The following ALG12 variants were observed in gnomAD, a reference collection of about 807,000 sequenced individuals.
ALG12 encodes the protein dol-P-Man:Man(7)GlcNAc(2)-PP-Dol alpha-1,6-mannosyltransferase.
Under a neutral mutation model 46.0 loss-of-function variants are expected in ALG12, and 36 were observed. That is an observed-to-expected ratio of 0.78 (90% confidence interval 0.60 to 1.03). The LOEUF (loss-of-function observed/expected upper bound fraction) is 1.03. Ranked by LOEUF, ALG12 falls within the 50% of genes least tolerant of loss-of-function variation. The pLI, the probability that ALG12 is intolerant of heterozygous loss-of-function variation, is 0.00. For missense variants in ALG12, 599 were observed against 633.5 expected (o/e 0.95, Z 0.58); for synonymous variants, 326 against 291.6 (o/e 1.12, Z -1.20).
At chr22:49,915,533 G>A (rs772992581) in intron 1 of ALG12, among the ~76,000 whole-genome samples, 5 of 152,110 alleles carry the variant, frequency 3.3e-5, no homozygotes, top group African/African-American at 4.8e-5. Context: ...ATCCAGTCTG[G>A]GCCACAGAGC....
At chr22:49,859,865 A>C in the ALG12 span, among the ~76,000 whole-genome samples, 9 of 152,100 alleles carry the variant, frequency 5.9e-5, no homozygotes, top group Middle Eastern at 3.4e-3. Context: ...ATCTTTACAA[A>C]AACATACAGA....
At chr22:49,868,884 G>C in the ALG12 span, among the ~76,000 whole-genome samples, 3 of 151,102 alleles carry the variant, frequency 2.0e-5, no homozygotes, top group Non-Finnish European at 4.4e-5. Flanking sequence ...GGCCAAGGCA[G>C]GCGGATCACC....
At chr22:49,879,059 C>T in the ALG12 span, among the ~76,000 whole-genome samples, 70 of 149,254 alleles carry the variant, frequency 4.7e-4, no homozygotes, top group African/African-American at 1.7e-3. Context: ...GCAGGAGAAT[C>T]ACTTGAACTG....
At chr22:49,879,316 C>T in the ALG12 span, among the ~76,000 whole-genome samples, 229 of 121,758 alleles carry the variant, frequency 1.9e-3, no homozygotes, top group Non-Finnish European at 3.0e-3. Context: ...TAGTAGAGAC[C>T]AGGTTTCGCC....
intron 5 of ALG12, 152 bp downstream of exon 5, chr22:49,909,742 G>T: frequency 9.0e-7 from 1 of 1,106,150 alleles, no homozygotes; most frequent in Non-Finnish European, 1.3e-6. Flanking sequence ...GAGATCCCCG[G>T]GCAGGGGGCT....
the ALG12 span, among the ~76,000 whole-genome samples, chr22:49,870,985 G>A: frequency 2.0e-5 from 3 of 148,280 alleles, no homozygotes; most frequent in Non-Finnish European, 3.0e-5. Flanking sequence ...CTGTTACCCA[G>A]GCTGGAGTGC....
chr22:49,872,146 A>C, the ALG12 span, among the ~76,000 whole-genome samples: 1 of 152,220 alleles, frequency 6.6e-6, no homozygotes, highest in African/African-American at 2.4e-5. Context: ...AACTTCTTTC[A>C]AAATTGTAGT....
intron 3 of ALG12, among the ~76,000 whole-genome samples, chr22:49,912,981 G>A (rs965356773): frequency 2.0e-5 from 3 of 152,174 alleles, no homozygotes; most frequent in African/African-American, 7.2e-5. Flanking sequence ...CACAGGCCCT[G>A]CAGTGGTGGC....
the ALG12 span, among the ~76,000 whole-genome samples, chr22:49,878,691 A>G: frequency 1.3e-5 from 2 of 152,150 alleles, no homozygotes; most frequent in South Asian, 4.1e-4. Flanking sequence ...TAAAGAACAC[A>G]TGAGTGAAGT....
the ALG12 span, among the ~76,000 whole-genome samples, chr22:49,873,975 G>A: frequency 3.9e-5 from 6 of 152,238 alleles, no homozygotes; most frequent in Non-Finnish European, 2.9e-5. Flanking sequence ...CGGGGAGCTG[G>A]CCCGTGCCGA....
At chr22:49,887,016 C>T in the ALG12 span, 46 of 1,614,058 alleles carry the variant, frequency 2.8e-5, no homozygotes, top group Admixed American at 2.0e-4. Context: ...CCGCGCTGGC[C>T]GTCAGATTTT....
Position 49,910,014 on chromosome 22 carries a change from C to G in ALG12, c.544G>C (p.Val182Leu). 1 of 1,613,812 alleles carries G rather than the reference C, an allele frequency of 6.2e-7. No homozygotes were observed. The highest frequency in any genetic ancestry group is 8.5e-7 in the Non-Finnish European group (1 of 1,179,934). Residue 182 changes from valine to leucine, a missense_variant, in exon 5 of 10, where the codon GTG (valine) becomes CTG (leucine). Transcript: ENST00000330817. ...FIWLSAFAII[V>L]FRVELCLFLG... ...AACAGGCACAGCTCCACCCTGAACA[C>G]GATGATGGCGAAGGCTGACAGCCAG...
downstream of ALG12, among the ~76,000 whole-genome samples, chr22:49,898,617 T>C (rs2147569831): frequency 6.6e-6 from 1 of 152,228 alleles, no homozygotes; most frequent in East Asian, 1.9e-4. Context: ...CTTGAACTCC[T>C]GAACTCAGGT....
intron 1 of ALG12, among the ~76,000 whole-genome samples, chr22:49,917,129 C>T (rs1215295748): frequency 6.6e-6 from 1 of 152,242 alleles, no homozygotes; most frequent in Non-Finnish European, 1.5e-5. Context: ...ACGAAAACCA[C>T]GACGAACCCC....
intron 1 of ALG12, among the ~76,000 whole-genome samples, chr22:49,914,411 C>A (rs373399694): frequency 6.6e-6 from 1 of 152,254 alleles, no homozygotes; most frequent in African/African-American, 2.4e-5. Flanking sequence ...TGCGCCGAAC[C>A]CCACCCTGGG....
the ALG12 span, chr22:49,884,967 G>A: frequency 1.5e-4 from 247 of 1,612,568 alleles, no homozygotes; most frequent in Non-Finnish European, 1.9e-4. Context: ...AGGCTGATGG[G>A]CTGAGTCCTA....
At chr22:49,917,757 CAGG>C (rs1187928664) in intron 1 of ALG12, among the ~76,000 whole-genome samples, 16 of 151,046 alleles carry the variant, frequency 1.1e-4, no homozygotes, top group African/African-American at 3.9e-4. Context: ...CTTCCACAGG[CAGG>C]AGTTCTCTGA....
chr22:49,899,459 C>CAA (rs1354396097), downstream of ALG12, among the ~76,000 whole-genome samples: 2 of 143,078 alleles, frequency 1.4e-5, no homozygotes, highest in African/African-American at 2.6e-5. Flanking sequence ...GCCTGGGTGA[C>CAA]AAAGTGAGAC....
the ALG12 span, chr22:49,889,383 CAG>C: frequency 6.0e-6 from 1 of 167,020 alleles, no homozygotes; most frequent in African/African-American, 2.4e-5. Flanking sequence ...AAGGGACAAA[CAG>C]GGCTGAAAAT....
Sources: allele counts gnomAD v4.1 joint callset (sites outside exome capture counted in the v4.1 genomes callset), GRCh38; gene constraint gnomAD v4.1.1; transcripts MANE v1.5; gene names NCBI Gene and HGNC (gene_info 2026-07-23, HGNC 2026-07-21).